NIBAN2: variants seen among roughly 807,000 people sequenced by gnomAD.
The protein encoded by NIBAN2 is protein Niban 2.
In NIBAN2, 36 loss-of-function variants were observed where a neutral mutation model predicts 81.8. The ratio of observed to expected loss-of-function variants is 0.44; its 90% CI spans 0.34 to 0.58. NIBAN2 has a LOEUF of 0.58. NIBAN2 is among the 20% of genes least tolerant of loss of function. The pLI is 0.02. For synonymous variants in NIBAN2, 445 were observed against 441.6 expected (o/e 1.01, Z -0.10); for missense variants, 897 against 1,014.1 (o/e 0.88, Z 1.57).
chr9:127,542,656 T>TC (rs1010779504), intron 1 of NIBAN2, among the ~76,000 whole-genome samples: 14 of 152,118 alleles, frequency 9.2e-5, no homozygotes, highest in African/African-American at 3.4e-4. Context: ...CACCGACATT[T>TC]CCCCCCCTGC....
Position 127,506,594 on chromosome 9 carries a change from C to T in NIBAN2, c.*251G>A. 2.4e-6 allele frequency: 1 copy of T among 409,090 alleles called. No individual in the cohort carries two copies. The allele number at this position is 409,090 out of a possible 1,614,324, so 25.3% of individuals were successfully genotyped here. On this transcript the variant is annotated 3_prime_UTR_variant, in exon 14 of 14. Transcript: ENST00000373312. ...CCCCCCAGCAGTGTCCAGCCCTTGG[C>T]ACAAGCAGGAAAACCCCAAAACCAG...
chr9:127,515,287 G>A (rs529705186), intron 8 of NIBAN2, among the ~76,000 whole-genome samples: 249 of 152,208 alleles, frequency 1.6e-3, no homozygotes, highest in Admixed American at 3.6e-3. Flanking sequence ...TTGGGATGCC[G>A]AGGTGGGCGG....
At chr9:127,525,193 G>C (rs3765601) in intron 3 of NIBAN2, 30 bp from the exon 4 acceptor site, 1 of 1,578,504 alleles carries the variant, frequency 6.3e-7, no homozygotes, top group African/African-American at 1.3e-5. Context: ...GGGTCCCTGA[G>C]GGTTAAGGTG....
chr9:127,538,376 C>A (rs948269920), intron 1 of NIBAN2, among the ~76,000 whole-genome samples: 1 of 152,134 alleles, frequency 6.6e-6, no homozygotes, highest in African/African-American at 2.4e-5. Flanking sequence ...GTATTAGTAT[C>A]CCATCTGACA....
chr9:127,521,802 T>C (rs891161585), intron 5 of NIBAN2, among the ~76,000 whole-genome samples: 6 of 152,142 alleles, frequency 3.9e-5, no homozygotes, highest in Non-Finnish European at 7.4e-5. Flanking sequence ...CACTGCACCT[T>C]AGAACCAAGA....
intron 8 of NIBAN2, among the ~76,000 whole-genome samples, chr9:127,512,832 T>C (rs1836761647): frequency 1.3e-5 from 2 of 152,260 alleles, no homozygotes; most frequent in African/African-American, 2.4e-5. Flanking sequence ...AAAAAACTAA[T>C]AGAGCTACCA....
At chr9:127,523,926 C>T in intron 4 of NIBAN2, 80 bp from the exon 5 acceptor site, 3 of 1,476,456 alleles carry the variant, frequency 2.0e-6, no homozygotes, top group Non-Finnish European at 2.8e-6. Flanking sequence ...GATCCCTTGG[C>T]ATCAGCTCTG....
chr9:127,518,171 C>CT (rs1836869909), intron 5 of NIBAN2, among the ~76,000 whole-genome samples: 1 of 152,228 alleles, frequency 6.6e-6, no homozygotes, highest in Non-Finnish European at 1.5e-5. Context: ...TTGCCTCCTC[C>CT]TTAGCTCCTG....
Position 127,510,439 on chromosome 9 carries a change from T to C in NIBAN2, c.974-106A>G, listed in dbSNP as rs922122754. The C allele has an allele frequency of 1.3e-5, 9 of 713,178 alleles. No homozygotes were observed. The African/African-American group carries it at 1.5e-4, about 12-fold the overall frequency. 44.2% of individuals were successfully genotyped at this position (713,178 alleles called of 1,614,324 possible). On this transcript the variant is annotated intron_variant, in intron 8 of 13. Coordinates refer to ENST00000373312, the MANE Select transcript of NIBAN2 (RefSeq NM_022833.4). The stretch of plus-strand genomic sequence containing the variant: ...TACTGTATTACTATTATTATCATTA[T>C]TATTATATTTTTTTTGAGACGGAGT...
chr9:127,517,772 T>G lies in NIBAN2; in HGVS notation c.705+54A>C. The G allele has an allele frequency of 1.0e-6, 1 of 976,562 alleles. No individual in the cohort carries two copies. Among genetic ancestry groups the G allele is most frequent in the Non-Finnish European group, 1.5e-6 (1 of 653,234 alleles). The allele number at this position is 976,562 out of a possible 1,614,324, so 60.5% of individuals were successfully genotyped here. A position where few individuals can be genotyped will look rare whatever the true frequency, so the allele number is the denominator to read the frequency against. ...CTGTACCCCACCCCCTGCCCTCCCC[T>G]GCTGGGTCCTTGGGTGACTTCTGAG... is the stretch of plus-strand genomic sequence containing the variant. On this transcript the variant is annotated intron_variant, in intron 6 of 13. Coordinates refer to ENST00000373312, the MANE Select transcript of NIBAN2 (RefSeq NM_022833.4). This position sits in a 1 kb window ranked among gnomAD's most constrained non-coding sequence, Gnocchi z 4.0.
intron 1 of NIBAN2, among the ~76,000 whole-genome samples, chr9:127,539,193 C>CA (rs1388930460): frequency 2.6e-5 from 4 of 151,942 alleles, no homozygotes. Flanking sequence ...CTGACTCACT[C>CA]AAAGACACAC....
At position 127,531,686 on chromosome 9, in the gene NIBAN2, C is replaced by T. The variant is rs1208828145; in HGVS notation, c.148G>A (p.Gly50Ser). Reference sequence around the variant, plus strand: ...AGCTGGGCCTGCGGCAGCCCCGTGCCCTCAATCTCATGGCGCATGCTGTTG... The same window carrying T: ...AGCTGGGCCTGCGGCAGCCCCGTGCTCTCAATCTCATGGCGCATGCTGTTG... ...LFNSMRHEIE[G>S]TGLPQAQLLW... The change falls in exon 2 of 14, where the codon GGC becomes AGC. Residue 50 changes from glycine to serine, a missense_variant. Transcript: ENST00000373312. 5 of 1,613,982 alleles carry T rather than the reference C, an allele frequency of 3.1e-6. No homozygotes were observed. In the East Asian group the frequency reaches 1.1e-4, roughly 36 times the overall value.
intron 1 of NIBAN2, among the ~76,000 whole-genome samples, chr9:127,565,782 CAAAA>C (rs34713108): frequency 2.8e-5 from 2 of 70,854 alleles, no homozygotes; most frequent in Admixed American, 1.6e-4. Flanking sequence ...GACTCTGTCT[CAAAA>C]AAAAAAAAAA....
Position 127,507,783 on chromosome 9 carries a change from G to C in NIBAN2, c.1654+84C>G, listed in dbSNP as rs1180588114. 3.2e-6 allele frequency: 4 copies of C among 1,268,144 alleles called. No individual in the cohort carries two copies. The African/African-American group carries it at 4.4e-5, about 14-fold the overall frequency. 78.6% of individuals were successfully genotyped at this position (1,268,144 alleles called of 1,614,324 possible). Reference sequence around the variant, plus strand: ...AGTCTGGGCTTTTCTTTGAGCCTTAGCTGACCCCCTCAGCTGCCACCACTT... The same window carrying C: ...AGTCTGGGCTTTTCTTTGAGCCTTACCTGACCCCCTCAGCTGCCACCACTT... On this transcript the variant is annotated intron_variant, in intron 13 of 13. Transcript: ENST00000373312. The surrounding 1 kb of genome is among the most constrained non-coding windows in gnomAD (Gnocchi z 6.8).
upstream of NIBAN2, chr9:127,569,161 CCGCCCGCTGCCCTG>C (rs1323735978): frequency 1.1e-5 from 9 of 813,264 alleles, no homozygotes; most frequent in Non-Finnish European, 1.3e-5. Context: ...CGCCCCCTCC[CCGCCCGCTGCCCTG>C]CGCCCGCCGC....
At chr9:127,529,957 C>T (rs1837147436) in intron 2 of NIBAN2, among the ~76,000 whole-genome samples, 1 of 152,200 alleles carries the variant, frequency 6.6e-6, no homozygotes, top group Non-Finnish European at 1.5e-5. Context: ...ATATGCACTC[C>T]TGCCTCCCCA....
At chr9:127,566,521 G>A (rs921625360) in intron 1 of NIBAN2, among the ~76,000 whole-genome samples, 3 of 152,178 alleles carry the variant, frequency 2.0e-5, no homozygotes, top group East Asian at 3.9e-4. Flanking sequence ...CACCGTGGCC[G>A]GGAGCACGCT....
chr9:127,555,205 G>T (rs1420722300), intron 1 of NIBAN2, among the ~76,000 whole-genome samples: 1 of 152,062 alleles, frequency 6.6e-6, no homozygotes. Context: ...TACCTAACGC[G>T]GTACATTCTA....
chr9:127,516,388 C>T (rs2255127), intron 8 of NIBAN2, among the ~76,000 whole-genome samples: 108,239 of 152,052 alleles, frequency 0.71, 39,028 homozygotes, highest in Middle Eastern at 0.78. Flanking sequence ...CTACTAAATA[C>T]ACAAAAGTTA....
Sources: allele counts gnomAD v4.1 joint callset (sites outside exome capture counted in the v4.1 genomes callset), GRCh38; gene constraint gnomAD v4.1.1; non-coding constraint Gnocchi (gnomAD v3.1); transcripts MANE v1.5; gene names NCBI Gene and HGNC (gene_info 2026-07-23, HGNC 2026-07-21).